SEL1L3: variants seen among roughly 807,000 people sequenced by gnomAD.
SEL1L3 encodes the protein SEL1L family member 3, also known as protein sel-1 homolog 3.
Under a neutral mutation model 142.8 loss-of-function variants are expected in SEL1L3, and 76 were observed. That is an observed-to-expected ratio of 0.53 (90% CI 0.44 to 0.64). The LOEUF (loss-of-function observed/expected upper bound fraction) is 0.64, where lower values mean the gene tolerates loss of function less well. SEL1L3 is among the 30% of genes least tolerant of loss of function. The pLI is 0.00. For missense variants in SEL1L3, 1,262 were observed against 1,381.7 expected (o/e 0.91, Z 1.37); for synonymous variants, 504 against 519.6 (o/e 0.97, Z 0.41).
At chr4:25,815,706 C>G (rs1172531943) in intron 9 of SEL1L3, among the ~76,000 whole-genome samples, 2 of 152,022 alleles carry the variant, frequency 1.3e-5, no homozygotes, top group East Asian at 3.9e-4. Context: ...GCTTCGTCAC[C>G]TCCAGACAAC....
chr4:25,835,133 C>T, intron 3 of SEL1L3, 64 bp downstream of exon 3: 1 of 1,592,772 alleles, frequency 6.3e-7, no homozygotes, highest in Non-Finnish European at 8.6e-7. Context: ...TTCCACTAGC[C>T]TGCTCTGGTC....
chr4:25,835,628 G>A (rs2109289543), intron 2 of SEL1L3, among the ~76,000 whole-genome samples: 1 of 152,360 alleles, frequency 6.6e-6, no homozygotes, highest in African/African-American at 2.4e-5. Flanking sequence ...TTCAGGTTCT[G>A]AACTCAGGCT....
intron 2 of SEL1L3, among the ~76,000 whole-genome samples, chr4:25,838,426 G>T (rs886652765): frequency 1.3e-5 from 2 of 152,176 alleles, no homozygotes; most frequent in Non-Finnish European, 2.9e-5. Context: ...CAAGAAAAGT[G>T]TGAGTGTCTT....
At chr4:25,827,436 A>T (rs537334373) in intron 6 of SEL1L3, among the ~76,000 whole-genome samples, 1 of 152,334 alleles carries the variant, frequency 6.6e-6, no homozygotes, top group African/African-American at 2.4e-5. Flanking sequence ...CGAGCCAAGG[A>T]GCTACCAGAA....
chr4:25,861,913 A>C (rs2109333503), intron 1 of SEL1L3: 1 of 152,294 alleles, frequency 6.6e-6, no homozygotes, highest in East Asian at 1.9e-4. Flanking sequence ...ATTTAAAATA[A>C]ATGGGTTTTG....
the SEL1L3 span, among the ~76,000 whole-genome samples, chr4:25,724,669 G>A: frequency 6.3e-5 from 9 of 141,802 alleles, no homozygotes; most frequent in African/African-American, 1.6e-4. Context: ...CCCGGGAGGC[G>A]GAGCTTGCAG....
At chr4:25,763,608 G>A (rs1456855029) in intron 20 of SEL1L3, among the ~76,000 whole-genome samples, 3 of 152,150 alleles carry the variant, frequency 2.0e-5, no homozygotes, top group African/African-American at 7.2e-5. Flanking sequence ...AGCACCTTGG[G>A]AGGCCAAGGT....
chr4:25,808,808 G>A (rs1025816383), intron 9 of SEL1L3, among the ~76,000 whole-genome samples: 3 of 152,272 alleles, frequency 2.0e-5, no homozygotes, highest in Non-Finnish European at 2.9e-5. Flanking sequence ...AGTGGCGCAC[G>A]CCTGTAATCC....
chr4:25,769,468 A>G (rs1301848643), intron 17 of SEL1L3, among the ~76,000 whole-genome samples: 3 of 152,230 alleles, frequency 2.0e-5, no homozygotes, highest in Non-Finnish European at 4.4e-5. Context: ...CCAGATAACA[A>G]GCCTCCAAGT....
At chr4:25,763,949 C>T (rs982580951) in intron 20 of SEL1L3, among the ~76,000 whole-genome samples, 1 of 152,152 alleles carries the variant, frequency 6.6e-6, no homozygotes, top group Non-Finnish European at 1.5e-5. Context: ...ACCAGAAATA[C>T]GTTGCAGCAG....
chr4:25,798,221 T>C (rs947451003), intron 11 of SEL1L3, among the ~76,000 whole-genome samples: 1 of 152,146 alleles, frequency 6.6e-6, no homozygotes, highest in Non-Finnish European at 1.5e-5. Flanking sequence ...CTGAGGACTG[T>C]ATTTTGTTGT....
At position 25,768,612 on chromosome 4, in the gene SEL1L3, G is replaced by C. The variant is rs371081512; in HGVS notation, c.2670-782C>G. Among the ~76,000 whole-genome samples the C allele has an allele frequency of 6.6e-5, 10 of 152,246 alleles. No homozygotes were observed. The East Asian group carries it at 1.7e-3, about 26-fold the overall frequency. On this transcript the variant is annotated intron_variant, in intron 17 of 23. Coordinates refer to ENST00000399878, the MANE Select transcript of SEL1L3 (RefSeq NM_015187.5). ...TCTAAAGAAACAATCAGAGATATGTGCAAAGATTCTGTTGCCACGGAGTTC... is the reference window on the plus strand; with the variant it reads ...TCTAAAGAAACAATCAGAGATATGTCCAAAGATTCTGTTGCCACGGAGTTC...
At chr4:25,814,654 C>A (rs566517393) in intron 9 of SEL1L3, among the ~76,000 whole-genome samples, 2 of 149,914 alleles carry the variant, frequency 1.3e-5, no homozygotes, top group Admixed American at 6.6e-5. Flanking sequence ...GCAGGAAGAA[C>A]TTGGAACGAA....
chr4:25,834,987 T>G (rs147953216), intron 3 of SEL1L3, among the ~76,000 whole-genome samples: 10 of 152,264 alleles, frequency 6.6e-5, no homozygotes, highest in Admixed American at 6.5e-4. Context: ...CTAAGGCAAA[T>G]TGAGGATTGT....
rs776283399 is a variant in SEL1L3, at chr4:25,833,428, AG to A, written c.982+19del. The stretch of plus-strand genomic sequence containing the variant: ...TTACAAAATTACAATATCATTTTAA[AG>A]GTTCTGTTTTATACTCACCCTCTTC... On this transcript the variant is annotated intron_variant, in intron 4 of 23. Transcript: ENST00000399878. The A allele has an allele frequency of 1.9e-6, 3 of 1,601,136 alleles. No individual in the cohort carries two copies. Among genetic ancestry groups the A allele is most frequent in the South Asian group, 1.1e-5 (1 of 88,906 alleles).
chr4:25,790,786 A>C, intron 11 of SEL1L3, among the ~76,000 whole-genome samples: 1 of 145,558 alleles, frequency 6.9e-6, no homozygotes. Flanking sequence ...GAAGGAGGGA[A>C]GGAGGGAGGG....
chr4:25,782,723 C>T (rs1203477208), intron 14 of SEL1L3, among the ~76,000 whole-genome samples: 2 of 152,152 alleles, frequency 1.3e-5, no homozygotes, highest in Non-Finnish European at 2.9e-5. Context: ...TACAAAAGGC[C>T]TCTGATTGCC....
rs1264146807 is a variant in SEL1L3, at chr4:25,747,543, G to A, written c.*882C>T. On this transcript the variant is annotated 3_prime_UTR_variant, in exon 24 of 24. Transcript: ENST00000399878. Reference sequence around the variant, plus strand: ...TTATTCACTACCTTAGCAGCATGTAGTATACAGACATTCTGCTCTTCCTCT... The same window carrying A: ...TTATTCACTACCTTAGCAGCATGTAATATACAGACATTCTGCTCTTCCTCT... 6.6e-6 allele frequency: 1 copy of A among 151,794 alleles called. No homozygotes were observed. 9.4% of individuals were successfully genotyped at this position (151,794 alleles called of 1,614,324 possible). A position where few individuals can be genotyped will look rare whatever the true frequency, so the allele number is the denominator to read the frequency against.
At chr4:25,740,688 A>C in the SEL1L3 span, among the ~76,000 whole-genome samples, 1 of 152,218 alleles carries the variant, frequency 6.6e-6, no homozygotes, top group Non-Finnish European at 1.5e-5. Flanking sequence ...TAAGTACTTT[A>C]CTGCCACATT....
Sources: allele counts gnomAD v4.1 joint callset (sites outside exome capture counted in the v4.1 genomes callset), GRCh38; gene constraint gnomAD v4.1.1; transcripts MANE v1.5; gene names NCBI Gene and HGNC (gene_info 2026-07-23, HGNC 2026-07-21).